Variants in GNG7 observed in about 807,000 individuals in gnomAD.
GNG7 encodes G protein subunit gamma 7, also known as guanine nucleotide-binding protein G(I)/G(S)/G(O) subunit gamma-7.
Under a neutral mutation model 4.0 loss-of-function variants are expected in GNG7, and 1 was observed. That is an observed-to-expected ratio of 0.25 (90% CI 0.09 to 1.18). The LOEUF (loss-of-function observed/expected upper bound fraction) is 1.18. Among genes scored for constraint, GNG7 ranks in the 50% most tolerant of loss-of-function variants. The pLI is 0.50. For synonymous variants in GNG7, 34 were observed against 36.9 expected (o/e 0.92, Z 0.29); for missense variants, 86 against 91.9 (o/e 0.94, Z 0.26).
intron 1 of GNG7, among the ~76,000 whole-genome samples, chr19:2,650,818 T>C (rs566422287): frequency 7.9e-4 from 120 of 152,298 alleles, no homozygotes; most frequent in African/African-American, 2.8e-3. Flanking sequence ...CAAATCACAA[T>C]CGACCCGGGC....
chr19:2,600,615 G>A (rs1338699859), intron 2 of GNG7, among the ~76,000 whole-genome samples: 1 of 151,840 alleles, frequency 6.6e-6, no homozygotes, highest in Non-Finnish European at 1.5e-5. Flanking sequence ...GGGATTACAG[G>A]CGCCACCACC....
intron 1 of GNG7, among the ~76,000 whole-genome samples, chr19:2,657,162 G>A (rs1041602810): frequency 6.9e-5 from 10 of 145,684 alleles, no homozygotes; most frequent in African/African-American, 2.3e-4. Context: ...GGTGAAACCC[G>A]GTCTCTACTA....
intron 2 of GNG7, among the ~76,000 whole-genome samples, chr19:2,616,868 G>C (rs1417382804): frequency 1.3e-5 from 2 of 152,128 alleles, no homozygotes; most frequent in Non-Finnish European, 2.9e-5. Flanking sequence ...GCCAAGAGCA[G>C]TGGGGCCCGG....
intron 2 of GNG7, among the ~76,000 whole-genome samples, chr19:2,606,889 G>A (rs1215893059): frequency 1.3e-5 from 2 of 151,570 alleles, no homozygotes; most frequent in Non-Finnish European, 2.9e-5. Flanking sequence ...TGCACGCAGT[G>A]TTCATGGAAA....
At chr19:2,675,175 C>A (rs1380037953) in intron 1 of GNG7, among the ~76,000 whole-genome samples, 1 of 152,136 alleles carries the variant, frequency 6.6e-6, no homozygotes, top group Non-Finnish European at 1.5e-5. Flanking sequence ...ATAAATGAAC[C>A]CAAACAGATC....
intron 2 of GNG7, among the ~76,000 whole-genome samples, chr19:2,566,422 G>GGA (rs1979910859): frequency 6.6e-6 from 1 of 152,120 alleles, no homozygotes; most frequent in South Asian, 2.1e-4. Flanking sequence ...TCTCCAGAGC[G>GGA]GAGAGAGAAT....
At chr19:2,644,687 G>A (rs980110439) in intron 2 of GNG7, among the ~76,000 whole-genome samples, 1 of 151,860 alleles carries the variant, frequency 6.6e-6, no homozygotes. Context: ...GGATCGGCCC[G>A]TCCTGAACCT....
intron 2 of GNG7, among the ~76,000 whole-genome samples, chr19:2,587,683 G>C (rs958030254): frequency 2.0e-5 from 3 of 152,192 alleles, no homozygotes; most frequent in African/African-American, 7.2e-5. Context: ...CACACCGACC[G>C]TGGAAGCATG....
At chr19:2,593,439 G>T (rs1980911158) in intron 2 of GNG7, among the ~76,000 whole-genome samples, 1 of 152,102 alleles carries the variant, frequency 6.6e-6, no homozygotes, top group South Asian at 2.1e-4. Context: ...CTGCTCTAAA[G>T]ATTTCAAAAG....
In GNG7 at chr19:2,591,714, T is replaced by A. The variant is rs187183550; in HGVS notation, c.-77-36526A>T. ...AATATGTAGCATATGTAACAAAGTG[T>A]TAGTGCCTGTCATATGTAAAGAGCA... is the stretch of plus-strand genomic sequence containing the variant. On this transcript the variant is annotated intron_variant, in intron 2 of 4. Coordinates refer to ENST00000382159, the MANE Select transcript of GNG7 (RefSeq NM_052847.3). 3.0e-4 allele frequency among the ~76,000 whole-genome samples: 46 copies of A among 152,262 alleles called. No individual in the cohort carries two copies. The East Asian group carries it at 8.1e-3, about 27-fold the overall frequency.
chr19:2,514,861 TGGCGGGGAGAG>T lies in GNG7; in HGVS notation c.*150_*160del. On this transcript the variant is annotated 3_prime_UTR_variant, in exon 5 of 5. Coordinates refer to ENST00000382159, the MANE Select transcript of GNG7 (RefSeq NM_052847.3). The stretch of plus-strand genomic sequence containing the variant: ...ATCCGGGCGGTGGGAACGCCTTTTT[TGGCGGGGAGAG>T]GGGGGATTTCTTTTGGAATTAAAGG... 1 of 618,574 alleles carries T rather than the reference TGGCGGGGAGAG, an allele frequency of 1.6e-6. No homozygotes were observed. Among genetic ancestry groups the T allele is most frequent in the Admixed American group, 3.0e-5 (1 of 33,854 alleles). The allele number at this position is 618,574 out of a possible 1,614,324, so 38.3% of individuals were successfully genotyped here.
chr19:2,655,838 G>GAAAAAAA (rs56041767), intron 1 of GNG7, among the ~76,000 whole-genome samples: 2 of 54,760 alleles, frequency 3.7e-5, no homozygotes, highest in Non-Finnish European at 6.6e-5. Flanking sequence ...GGCTCCGTCT[G>GAAAAAAA]AAAAAAAAAA....
intron 3 of GNG7, among the ~76,000 whole-genome samples, chr19:2,540,388 G>A (rs1429365648): frequency 6.6e-6 from 1 of 152,114 alleles, no homozygotes; most frequent in East Asian, 1.9e-4. Context: ...CTGGCCTCCG[G>A]TGATCCTCCT....
chr19:2,691,410 G>A (rs965125419), intron 1 of GNG7, among the ~76,000 whole-genome samples: 1 of 152,034 alleles, frequency 6.6e-6, no homozygotes, highest in African/African-American at 2.4e-5. Flanking sequence ...CAGTCGTGGT[G>A]TTACATGCTT....
At position 2,626,212 on chromosome 19, in the gene GNG7, C is replaced by T. The variant is rs1044908386; in HGVS notation, c.-78+20012G>A. 6.6e-6 allele frequency among the ~76,000 whole-genome samples: 1 copy of T among 152,192 alleles called. No homozygotes were observed. The highest frequency in any genetic ancestry group is 1.5e-5 in the Non-Finnish European group (1 of 68,030). ...CCTGACCCCGTGTCTCCAGCGGGAACGTGAAGCTGATGCTGCTCCCGCCCC... is the reference window on the plus strand; with the variant it reads ...CCTGACCCCGTGTCTCCAGCGGGAATGTGAAGCTGATGCTGCTCCCGCCCC... On this transcript the variant is annotated intron_variant, in intron 2 of 4. Transcript: ENST00000382159. The surrounding 1 kb of genome is among the most constrained non-coding windows in gnomAD (Gnocchi z 5.0).
chr19:2,671,431 C>T (rs1037921276), intron 1 of GNG7, among the ~76,000 whole-genome samples: 1 of 152,136 alleles, frequency 6.6e-6, no homozygotes, highest in Non-Finnish European at 1.5e-5. Flanking sequence ...GTGAATGAGG[C>T]TCAAGGTGAC....
intron 2 of GNG7, among the ~76,000 whole-genome samples, chr19:2,635,476 C>T (rs556709457): frequency 1.3e-5 from 2 of 152,334 alleles, no homozygotes; most frequent in East Asian, 1.9e-4. Context: ...TGCCTCTTCT[C>T]TCCCTCCTCA....
At chr19:2,646,442 C>T (rs867413425) in intron 1 of GNG7, among the ~76,000 whole-genome samples, 162 bp from the exon 2 acceptor site, 1 of 152,192 alleles carries the variant, frequency 6.6e-6, no homozygotes, top group African/African-American at 2.4e-5. Context: ...AATCCCAGCA[C>T]TTTGGGAGGC....
At chr19:2,545,941 C>T (rs1171054978) in intron 3 of GNG7, among the ~76,000 whole-genome samples, 2 of 151,788 alleles carry the variant, frequency 1.3e-5, no homozygotes, top group Non-Finnish European at 2.9e-5. Flanking sequence ...GGCAACGGAG[C>T]GAGACTCTGC....
Sources: gnomAD v4.1 joint callset for allele counts (sites outside exome capture counted in the v4.1 genomes callset) on GRCh38, gnomAD v4.1.1 for gene constraint, Gnocchi (gnomAD v3.1) non-coding constraint, MANE v1.5 for transcripts, NCBI Gene and HGNC (gene_info 2026-07-23, HGNC 2026-07-21) for gene names.